The following UXS1 variants were observed in gnomAD, a reference collection of about 807,000 sequenced individuals.
UXS1 encodes the protein UDP-glucuronic acid decarboxylase 1.
A neutral mutation model predicts 62.6 loss-of-function variants in UXS1; 33 were observed. That is an observed-to-expected ratio of 0.53 (90% confidence interval 0.40 to 0.70). UXS1 has a LOEUF of 0.70. Among genes scored for constraint, UXS1 ranks in the 30% least tolerant of loss-of-function variants. UXS1 has a pLI of 0.00. For synonymous variants in UXS1, 213 were observed against 206.8 expected (o/e 1.03, Z -0.26); for missense variants, 434 against 556.3 (o/e 0.78, Z 2.21).
chr2:106,160,469 TTTAG>T (rs1383212497), intron 4 of UXS1: 2 of 152,138 alleles, frequency 1.3e-5, no homozygotes. Flanking sequence ...TGTATATGAT[TTTAG>T]AGTCAAGACC....
chr2:106,183,044 T>C, intron 1 of UXS1, among the ~76,000 whole-genome samples: 1 of 152,098 alleles, frequency 6.6e-6, no homozygotes, highest in East Asian at 1.9e-4. Context: ...GATTTGGCAA[T>C]GTATGAGTTT....
chr2:106,193,945 A>C (rs1685101183), intron 1 of UXS1, among the ~76,000 whole-genome samples: 1 of 151,730 alleles, frequency 6.6e-6, no homozygotes, highest in South Asian at 2.1e-4. Context: ...CCCGGGCCTA[A>C]GCGGTAGGGG....
intron 13 of UXS1, chr2:106,097,247 G>A: frequency 2.2e-6 from 1 of 456,146 alleles, no homozygotes; most frequent in Non-Finnish European, 4.4e-6. Context: ...GGCCATACCT[G>A]GGTGCTCGGA....
chr2:106,095,457 C>G (rs568237904), intron 14 of UXS1, among the ~76,000 whole-genome samples: 3 of 152,300 alleles, frequency 2.0e-5, no homozygotes, highest in South Asian at 4.1e-4. Flanking sequence ...TCTCATGTCC[C>G]TTTGAAGTTC....
At chr2:106,156,669 T>A (rs534362060) in intron 5 of UXS1, among the ~76,000 whole-genome samples, 2 of 152,214 alleles carry the variant, frequency 1.3e-5, no homozygotes, top group East Asian at 3.8e-4. Flanking sequence ...ATACTTTAAA[T>A]CATCTCTAGA....
chr2:106,096,162 G>C (rs1677066940), intron 14 of UXS1, among the ~76,000 whole-genome samples: 1 of 151,970 alleles, frequency 6.6e-6, no homozygotes, highest in Non-Finnish European at 1.5e-5. Flanking sequence ...CAGCGCCCTT[G>C]GCACAGCGTT....
intron 1 of UXS1, among the ~76,000 whole-genome samples, chr2:106,169,566 A>C (rs956190805): frequency 6.6e-6 from 1 of 152,152 alleles, no homozygotes; most frequent in East Asian, 1.9e-4. Context: ...CTGTGCCTTC[A>C]GTCCCAGCTA....
At chr2:106,145,455 T>G in intron 5 of UXS1, 85 bp from the exon 6 acceptor site, 13 of 1,453,164 alleles carry the variant, frequency 8.9e-6, no homozygotes, top group Non-Finnish European at 1.1e-5. Context: ...GAGACATCTC[T>G]GGTGCAGCCA....
chr2:106,104,304 TCAC>T (rs757496990), intron 11 of UXS1, among the ~76,000 whole-genome samples: 1 of 152,174 alleles, frequency 6.6e-6, no homozygotes, highest in Non-Finnish European at 1.5e-5. Context: ...GCAATAAAAA[TCAC>T]CACGTGAATC....
At chr2:106,121,469 A>C (rs555349406) in intron 9 of UXS1, among the ~76,000 whole-genome samples, 29 of 152,356 alleles carry the variant, frequency 1.9e-4, no homozygotes, top group African/African-American at 6.7e-4. Flanking sequence ...GTTGAGAATC[A>C]TATCACTCCT....
At chr2:106,138,699 T>TCCGGAAGGCTGAGG (rs1680856868) in intron 6 of UXS1, 3 of 985,438 alleles carry the variant, frequency 3.0e-6, no homozygotes, top group Admixed American at 6.1e-5. Flanking sequence ...CCACTGCTGC[T>TCCGGAAGGCTGAGG]CCGGAAGGCT....
intron 13 of UXS1, chr2:106,097,803 G>A (rs1678890701): frequency 6.3e-6 from 1 of 157,770 alleles, no homozygotes; most frequent in Non-Finnish European, 1.4e-5. Flanking sequence ...CACGCAGGAG[G>A]AACACACAGA....
At chr2:106,128,295 G>C (rs1680131109) in intron 7 of UXS1, among the ~76,000 whole-genome samples, 1 of 152,160 alleles carries the variant, frequency 6.6e-6, no homozygotes, top group Non-Finnish European at 1.5e-5. Flanking sequence ...AGAAGATAAA[G>C]CTCTTTCCAG....
intron 10 of UXS1, 25 bp downstream of exon 10, chr2:106,112,621 T>G: frequency 6.2e-7 from 1 of 1,612,534 alleles, no homozygotes. Context: ...TGCAAGGTGC[T>G]CCCTGAGCCG....
At chr2:106,108,982 AC>A (rs1316271102) in intron 10 of UXS1, among the ~76,000 whole-genome samples, 4 of 151,332 alleles carry the variant, frequency 2.6e-5, no homozygotes, top group Non-Finnish European at 4.4e-5. Flanking sequence ...GACATTCCTC[AC>A]CCCCCATATC....
chr2:106,188,392 G>A lies in UXS1; in HGVS notation c.94+5756C>T, dbSNP rs529039651. Among the ~76,000 whole-genome samples, 62 of 152,344 alleles carry A rather than the reference G, an allele frequency of 4.1e-4. 2 individuals are homozygous for A. In the South Asian group the frequency reaches 0.013, roughly 32 times the overall value. Reference sequence around the variant, plus strand: ...GGTCAAGAACTGGGCCAGGCCTGGAGCATCTGCAATGGGTGTGGAGGCAGC... The same window carrying A: ...GGTCAAGAACTGGGCCAGGCCTGGAACATCTGCAATGGGTGTGGAGGCAGC... On this transcript the variant is annotated intron_variant, in intron 1 of 14. Coordinates refer to ENST00000283148, the MANE Select transcript of UXS1 (RefSeq NM_001253875.2).
At chr2:106,170,126 C>G (rs567196273) in intron 1 of UXS1, among the ~76,000 whole-genome samples, 1 of 152,230 alleles carries the variant, frequency 6.6e-6, no homozygotes, top group Admixed American at 6.5e-5. Context: ...CAGACCTCCA[C>G]GCTTCGCCAC....
intron 1 of UXS1, among the ~76,000 whole-genome samples, chr2:106,168,833 T>C (rs896196876): frequency 3.3e-5 from 5 of 152,162 alleles, no homozygotes; most frequent in Non-Finnish European, 5.9e-5. Flanking sequence ...GTTATGACAG[T>C]ACCAGACGAA....
chr2:106,112,508 C>G, intron 10 of UXS1, 138 bp downstream of exon 10: 4 of 1,375,000 alleles, frequency 2.9e-6, no homozygotes, highest in Non-Finnish European at 3.9e-6. Flanking sequence ...CTGCCTTCCC[C>G]TTAGTGGAGG....
Sources: gnomAD v4.1 joint callset for allele counts (sites outside exome capture counted in the v4.1 genomes callset) on GRCh38, gnomAD v4.1.1 for gene constraint, MANE v1.5 for transcripts, NCBI Gene and HGNC (gene_info 2026-07-23, HGNC 2026-07-21) for gene names.